Variants in SKAP1 observed in about 807,000 individuals in gnomAD.
SKAP1 encodes src kinase-associated phosphoprotein 1.
In SKAP1, 44 loss-of-function variants were observed where a neutral mutation model predicts 58.5. That is an observed-to-expected ratio of 0.75 (90% CI 0.59 to 0.97). SKAP1 has a LOEUF of 0.97. Ranked by LOEUF, SKAP1 falls within the 50% of genes least tolerant of loss-of-function variation. The probability of loss-of-function intolerance (pLI) is 0.00; values close to 1 mark genes in which losing one functional copy is unlikely to be tolerated. For synonymous variants in SKAP1, 127 were observed against 149.7 expected (o/e 0.85, Z 1.11); for missense variants, 390 against 435.2 (o/e 0.90, Z 0.92).
the SKAP1 span, among the ~76,000 whole-genome samples, chr17:48,440,618 G>C: frequency 1.3e-5 from 2 of 152,166 alleles, no homozygotes; most frequent in Non-Finnish European, 2.9e-5. Flanking sequence ...AAAATGCCTG[G>C]GAAAGGGAAG....
intron 4 of SKAP1, among the ~76,000 whole-genome samples, chr17:48,205,886 T>C (rs1290335613): frequency 6.6e-6 from 1 of 152,130 alleles, no homozygotes; most frequent in Non-Finnish European, 1.5e-5. Flanking sequence ...CCAGGCATCC[T>C]TTCTCAGGAT....
chr17:48,340,007 C>A (rs1014456499), intron 4 of SKAP1, among the ~76,000 whole-genome samples: 2 of 152,022 alleles, frequency 1.3e-5, no homozygotes, highest in Non-Finnish European at 2.9e-5. Flanking sequence ...ATGATGAAAC[C>A]CTGTCTTTAC....
intron 4 of SKAP1, among the ~76,000 whole-genome samples, chr17:48,200,674 G>A (rs902771374): frequency 2.0e-5 from 3 of 152,108 alleles, no homozygotes; most frequent in South Asian, 2.1e-4. Flanking sequence ...CACCGCGCCC[G>A]GCCCTGGGCC....
rs2063740991 is a variant in SKAP1, at chr17:48,139,348, A to AT, written c.979-2012dup. Among the ~76,000 whole-genome samples, 8 of 151,102 alleles carry AT rather than the reference A, an allele frequency of 5.3e-5. No individual in the cohort carries two copies. The South Asian group carries it at 1.7e-3, about 32-fold the overall frequency. The stretch of plus-strand genomic sequence containing the variant: ...AGGTGTGCACCACCACGCCCAGCTA[A>AT]TTTTTTGTATTTTTAGTAGAGACGG... On this transcript the variant is annotated intron_variant, in intron 11 of 12. Transcript: ENST00000336915.
At chr17:48,441,588 G>C in the SKAP1 span, among the ~76,000 whole-genome samples, 1 of 152,148 alleles carries the variant, frequency 6.6e-6, no homozygotes, top group Non-Finnish European at 1.5e-5. Flanking sequence ...ATAGTTACGT[G>C]ACAGAACTGT....
At chr17:48,312,105 A>G (rs562667432) in intron 4 of SKAP1, among the ~76,000 whole-genome samples, 8 of 152,352 alleles carry the variant, frequency 5.3e-5, no homozygotes, top group Admixed American at 4.6e-4. Context: ...TAACATTAAC[A>G]TACGATTTTA....
intron 11 of SKAP1, among the ~76,000 whole-genome samples, chr17:48,161,045 G>GGC (rs1598382432): frequency 6.6e-6 from 1 of 152,136 alleles, no homozygotes; most frequent in East Asian, 1.9e-4. Context: ...AAGGCCTGCA[G>GGC]GCCTCCTACT....
At chr17:48,277,253 A>C (rs569015277) in intron 4 of SKAP1, among the ~76,000 whole-genome samples, 28 of 152,378 alleles carry the variant, frequency 1.8e-4, no homozygotes, top group Non-Finnish European at 3.1e-4. Flanking sequence ...AGTTAAATTT[A>C]TCAAGTGGAC....
chr17:48,190,360 C>T (rs186681333), intron 4 of SKAP1, among the ~76,000 whole-genome samples: 4 of 152,148 alleles, frequency 2.6e-5, no homozygotes, highest in Non-Finnish European at 4.4e-5. Context: ...GATCCGTCCA[C>T]GTTGGCCTCC....
intron 4 of SKAP1, among the ~76,000 whole-genome samples, chr17:48,278,450 T>C (rs143976298): frequency 1.3e-5 from 2 of 152,298 alleles, no homozygotes; most frequent in Non-Finnish European, 2.9e-5. Context: ...AGAATATAAT[T>C]CTAGTACAAC....
At chr17:48,285,513 G>A (rs1377252630) in intron 4 of SKAP1, among the ~76,000 whole-genome samples, 1 of 151,982 alleles carries the variant, frequency 6.6e-6, no homozygotes, top group African/African-American at 2.4e-5. Flanking sequence ...TACTCAGGAG[G>A]CTGAGGCAGG....
chr17:48,264,777 CA>C, intron 4 of SKAP1, among the ~76,000 whole-genome samples: 1 of 151,692 alleles, frequency 6.6e-6, no homozygotes, highest in African/African-American at 2.4e-5. Flanking sequence ...CACACACACA[CA>C]CACACCCTCC....
At chr17:48,145,002 CA>C (rs1474811972) in intron 11 of SKAP1, among the ~76,000 whole-genome samples, 1 of 151,950 alleles carries the variant, frequency 6.6e-6, no homozygotes, top group African/African-American at 2.4e-5. Context: ...TTAAATTATA[CA>C]AAATTGTTCA....
At chr17:48,204,250 C>T (rs1440664419) in intron 4 of SKAP1, 1 of 150,308 alleles carries the variant, frequency 6.7e-6, no homozygotes, top group African/African-American at 2.5e-5. Context: ...TGTGCCACCA[C>T]ACCTGGCTAA....
intron 4 of SKAP1, among the ~76,000 whole-genome samples, chr17:48,309,405 A>G (rs1334035391): frequency 6.6e-6 from 1 of 152,160 alleles, no homozygotes; most frequent in African/African-American, 2.4e-5. Context: ...TTCCCCAGTA[A>G]GCATGGCCTT....
intron 4 of SKAP1, among the ~76,000 whole-genome samples, chr17:48,261,618 A>G (rs2065485688): frequency 6.6e-6 from 1 of 152,132 alleles, no homozygotes; most frequent in African/African-American, 2.4e-5. Context: ...GATCAGAGTC[A>G]TGGGGGAACA....
intron 4 of SKAP1, among the ~76,000 whole-genome samples, chr17:48,246,388 G>A (rs1197277315): frequency 1.3e-5 from 2 of 152,088 alleles, no homozygotes; most frequent in Non-Finnish European, 2.9e-5. Flanking sequence ...CACCTTTGTG[G>A]GTATAGCCCC....
intron 1 of SKAP1, among the ~76,000 whole-genome samples, chr17:48,413,543 T>TATATATA: frequency 8.5e-6 from 1 of 117,756 alleles, no homozygotes. Flanking sequence ...TATATATATA[T>TATATATA]TTGCTCTTCA....
At chr17:48,316,358 G>A (rs878923760) in intron 4 of SKAP1, among the ~76,000 whole-genome samples, 1 of 152,082 alleles carries the variant, frequency 6.6e-6, no homozygotes. Flanking sequence ...CAGAGCCTTT[G>A]CATCTGCTAT....
Sources: allele counts gnomAD v4.1 joint callset (sites outside exome capture counted in the v4.1 genomes callset), GRCh38; gene constraint gnomAD v4.1.1; transcripts MANE v1.5; gene names NCBI Gene and HGNC (gene_info 2026-07-23, HGNC 2026-07-21).